SCAI: variants seen among roughly 807,000 people sequenced by gnomAD.
SCAI encodes the protein suppressor of cancer cell invasion.
A neutral mutation model predicts 92.2 loss-of-function variants in SCAI; 24 were observed. That is an observed-to-expected ratio of 0.26 (90% CI 0.19 to 0.37). SCAI has a LOEUF of 0.37. Among genes scored for constraint, SCAI ranks in the 10% least tolerant of loss-of-function variants. The probability of loss-of-function intolerance (pLI) is 1.00; values close to 1 mark genes in which losing one functional copy is unlikely to be tolerated. For synonymous variants in SCAI, 261 were observed against 258.6 expected, an observed-to-expected ratio of 1.01 and a Z score of -0.09; for missense variants, 450 against 736.2, an observed-to-expected ratio of 0.61 and a Z score of 4.50.
intron 2 of SCAI, among the ~76,000 whole-genome samples, chr9:125,110,275 C>G (rs935264554): frequency 1.3e-5 from 2 of 152,182 alleles, no homozygotes; most frequent in Non-Finnish European, 2.9e-5. Context: ...AAAACCTAAA[C>G]AATCCTATAT....
Position 125,089,847 on chromosome 9 carries a change from G to A in SCAI, c.99-33840C>T, listed in dbSNP as rs184394958. On this transcript the variant is annotated intron_variant, in intron 2 of 17. Coordinates refer to ENST00000336505, the MANE Select transcript of SCAI (RefSeq NM_001144877.3). ...AGTCTCTGAGTAGCTAGCCTTCACC[G>A]TCTTAGGAAGATAAAAAAAAAGATA... Among the ~76,000 whole-genome samples, 4 of 151,974 alleles carry A rather than the reference G, an allele frequency of 2.6e-5. No homozygotes were observed. The East Asian group carries it at 7.7e-4, about 29-fold the overall frequency.
At chr9:124,998,047 C>T (rs1832278869) in intron 13 of SCAI, among the ~76,000 whole-genome samples, 1 of 152,066 alleles carries the variant, frequency 6.6e-6, no homozygotes, top group Non-Finnish European at 1.5e-5. Context: ...TCATGTGATC[C>T]TCCTACCTCA....
intron 2 of SCAI, among the ~76,000 whole-genome samples, chr9:125,093,038 T>C (rs974799952): frequency 1.3e-5 from 2 of 152,198 alleles, no homozygotes; most frequent in African/African-American, 4.8e-5. Flanking sequence ...CATTTTCCTC[T>C]TCTTGAAACA....
At chr9:125,039,989 A>G (rs1410974933) in intron 3 of SCAI, among the ~76,000 whole-genome samples, 1 of 152,232 alleles carries the variant, frequency 6.6e-6, no homozygotes, top group Non-Finnish European at 1.5e-5. Flanking sequence ...ACTATAAAGT[A>G]TATAAAGCAA....
At chr9:125,110,554 A>G (rs1344240883) in intron 2 of SCAI, among the ~76,000 whole-genome samples, 3 of 152,116 alleles carry the variant, frequency 2.0e-5, no homozygotes, top group Admixed American at 2.0e-4. Context: ...GAATTGGATC[A>G]TGGGGGTAGT....
At chr9:125,141,073 G>C (rs1347760962) in intron 2 of SCAI, among the ~76,000 whole-genome samples, 1 of 152,080 alleles carries the variant, frequency 6.6e-6, no homozygotes, top group African/African-American at 2.4e-5. Context: ...GAAAAATACA[G>C]ACTCACATAC....
At chr9:124,999,685 A>G (rs1480145858) in intron 13 of SCAI, among the ~76,000 whole-genome samples, 1 of 152,200 alleles carries the variant, frequency 6.6e-6, no homozygotes, top group Non-Finnish European at 1.5e-5. Flanking sequence ...TATTCAATGA[A>G]TATCAACCAA....
chr9:125,138,169 C>G (rs1434432899), intron 2 of SCAI, among the ~76,000 whole-genome samples: 4 of 151,704 alleles, frequency 2.6e-5, no homozygotes, highest in Non-Finnish European at 5.9e-5. Flanking sequence ...GTTTTTTAAC[C>G]TAAAATTTAT....
In SCAI at chr9:125,094,161, T is replaced by A. The variant is rs542856595; in HGVS notation, c.99-38154A>T. On this transcript the variant is annotated intron_variant, in intron 2 of 17. Transcript: ENST00000336505. Reference sequence around the variant, plus strand: ...TATCACTTAGCTCAGAATCTTCACATGGTTTCCCATCTCATTCTGAGAAGA... The same window carrying A: ...TATCACTTAGCTCAGAATCTTCACAAGGTTTCCCATCTCATTCTGAGAAGA... Among the ~76,000 whole-genome samples the A allele has an allele frequency of 2.0e-5, 3 of 152,368 alleles. No individual in the cohort carries two copies. In the East Asian group the frequency reaches 5.8e-4, roughly 29 times the overall value.
chr9:125,004,796 T>A (rs1196683578), intron 9 of SCAI, among the ~76,000 whole-genome samples: 7 of 93,814 alleles, frequency 7.5e-5, no homozygotes, highest in African/African-American at 2.8e-4. Flanking sequence ...TTTTTTTTTT[T>A]TTTTTTTTTG....
rs747158707 is a variant in SCAI, at chr9:124,999,918, C to T, written c.1217G>A (p.Arg406Gln). Reference sequence around the variant, plus strand: ...GTGCATTTCCTTGTGGGACTGATTTCGTTTGTGGATGGCATCTCCATTAAT... The same window carrying T: ...GTGCATTTCCTTGTGGGACTGATTTTGTTTGTGGATGGCATCTCCATTAAT... The part of the protein sequence containing the change: ...DIINGDAIHK[R>Q]NQSHKEMHCL... Residue 406 changes from arginine to glutamine, a missense_variant, in exon 13 of 18, where the codon CGA (arginine) becomes CAA (glutamine). Arg to Gln is a conservative substitution (Grantham distance 43). Transcript: ENST00000336505. The T allele has an allele frequency of 5.0e-6, 8 of 1,589,646 alleles. No homozygotes were observed. The highest frequency in any genetic ancestry group is 1.7e-6 in the Non-Finnish European group (2 of 1,162,962).
At chr9:125,025,171 G>GC (rs1832943735) in intron 6 of SCAI, among the ~76,000 whole-genome samples, 1 of 152,096 alleles carries the variant, frequency 6.6e-6, no homozygotes, top group Non-Finnish European at 1.5e-5. Flanking sequence ...ACTGAACAAA[G>GC]CCCCTCCTAA....
intron 14 of SCAI, among the ~76,000 whole-genome samples, chr9:124,984,654 GA>G (rs573001339): frequency 1.0e-3 from 159 of 152,302 alleles, no homozygotes; most frequent in African/African-American, 3.6e-3. Flanking sequence ...CTAAAATGGG[GA>G]AAGCTGTATA....
chr9:125,020,685 C>T lies in SCAI; in HGVS notation c.597G>A (p.Lys199=). Residue 199 remains lysine, a synonymous_variant, in exon 7 of 18, where the codon AAG becomes AAA. Transcript: ENST00000336505. ...AAAGTGTATTTACCTTTACCAGATC[C>T]TTTACAACATCCATTTTGTTGAGAA... ...CLLLNKMDVV[K]DLVKELSDEI... is the part of the protein sequence containing the mutation. The T allele has an allele frequency of 6.9e-7, 1 of 1,450,640 alleles. No individual in the cohort carries two copies. Among genetic ancestry groups the T allele is most frequent in the Non-Finnish European group, 9.5e-7 (1 of 1,049,430 alleles). 89.9% of individuals were successfully genotyped at this position (1,450,640 alleles called of 1,614,324 possible). A position where few individuals can be genotyped will look rare whatever the true frequency, so the allele number is the denominator to read the frequency against.
chr9:124,975,797 T>C (rs2131593497), intron 15 of SCAI, among the ~76,000 whole-genome samples: 1 of 152,316 alleles, frequency 6.6e-6, no homozygotes, highest in South Asian at 2.1e-4. Context: ...CCATGCTATA[T>C]GGATATGACC....
chr9:125,073,989 T>C (rs1223135397), intron 2 of SCAI, among the ~76,000 whole-genome samples: 3 of 151,462 alleles, frequency 2.0e-5, no homozygotes, highest in African/African-American at 7.3e-5. Context: ...CGGTGGCTCA[T>C]GCCTTCATGC....
intron 6 of SCAI, among the ~76,000 whole-genome samples, chr9:125,022,921 C>T (rs1832899808): frequency 6.6e-6 from 1 of 152,012 alleles, no homozygotes; most frequent in Non-Finnish European, 1.5e-5. Context: ...TTTTGTTACT[C>T]ACTTTCCCCC....
intron 2 of SCAI, among the ~76,000 whole-genome samples, chr9:125,071,188 G>A (rs1460857387): frequency 5.9e-5 from 9 of 152,010 alleles, no homozygotes; most frequent in African/African-American, 1.5e-4. Context: ...TTAATTAGCC[G>A]TGTGAAAATG....
intron 2 of SCAI, among the ~76,000 whole-genome samples, chr9:125,121,065 T>G (rs915606130): frequency 2.0e-5 from 3 of 152,058 alleles, no homozygotes; most frequent in African/African-American, 7.2e-5. Context: ...GAAATTTTTT[T>G]GTTTACATTT....
Sources: gnomAD v4.1 joint callset for allele counts (sites outside exome capture counted in the v4.1 genomes callset) on GRCh38, gnomAD v4.1.1 for gene constraint, MANE v1.5 for transcripts, NCBI Gene and HGNC (gene_info 2026-07-23, HGNC 2026-07-21) for gene names.